The following GABRG2 variants were observed in gnomAD, a reference collection of about 807,000 sequenced individuals.
The protein encoded by GABRG2 is gamma-aminobutyric acid receptor subunit gamma-2.
Under a neutral mutation model 56.4 loss-of-function variants are expected in GABRG2, and 16 were observed. The observed-to-expected ratio is 0.28, with a 90% CI of 0.19 to 0.43. GABRG2 has a LOEUF of 0.43. Among genes scored for constraint, GABRG2 ranks in the 20% least tolerant of loss-of-function variants. The pLI is 1.00. For missense variants in GABRG2, 327 were observed against 582.7 expected, an observed-to-expected ratio of 0.56 and a Z score of 4.52; for synonymous variants, 208 against 205.5, an observed-to-expected ratio of 1.01 and a Z score of -0.10.
intron 8 of GABRG2, chr5:162,150,603 C>G (rs1308566479): frequency 1.3e-5 from 2 of 152,158 alleles, no homozygotes; most frequent in Non-Finnish European, 2.9e-5. Context: ...CCTGACAATC[C>G]TGGATCATGG....
At chr5:162,098,001 A>C (rs1400880186) in intron 4 of GABRG2, 143 bp downstream of exon 4, 2 of 688,006 alleles carry the variant, frequency 2.9e-6, no homozygotes, top group Non-Finnish European at 5.0e-6. Context: ...CAATTAGTAT[A>C]TGACATCAAA....
chr5:162,130,381 A>AT (rs1321115910), intron 6 of GABRG2, among the ~76,000 whole-genome samples: 1 of 151,596 alleles, frequency 6.6e-6, no homozygotes, highest in South Asian at 2.1e-4. Context: ...TTGAACAATT[A>AT]TTTTTTTTCT....
chr5:162,084,755 T>C (rs939237817), intron 1 of GABRG2, among the ~76,000 whole-genome samples: 3 of 151,938 alleles, frequency 2.0e-5, no homozygotes, highest in Admixed American at 6.6e-5. Context: ...TTCTTGATGG[T>C]AAATAATTAC....
At chr5:162,132,891 T>C (rs1763856990) in intron 6 of GABRG2, among the ~76,000 whole-genome samples, 1 of 152,048 alleles carries the variant, frequency 6.6e-6, no homozygotes, top group Non-Finnish European at 1.5e-5. Flanking sequence ...TAAGTACATA[T>C]AAAAGAATAT....
In GABRG2 at chr5:162,155,307, G is replaced by A. The variant is rs1753789349; in HGVS notation, c.*1939G>A. ...GGAGAGTTGTTGGCAAGTTTCAATG[G>A]TGAGAAACATTATTGTCAACTTGAA... is the stretch of plus-strand genomic sequence containing the variant. On this transcript the variant is annotated 3_prime_UTR_variant, in exon 10 of 10. Transcript: ENST00000639213. The A allele has an allele frequency of 6.6e-6, 1 of 152,470 alleles. No individual in the cohort carries two copies. The highest frequency in any genetic ancestry group is 1.5e-5 in the Non-Finnish European group (1 of 68,000). The allele number at this position is 152,470 out of a possible 1,614,324, so 9.4% of individuals were successfully genotyped here.
chr5:162,073,703 C>T (rs1028478248), intron 1 of GABRG2, among the ~76,000 whole-genome samples: 1 of 151,806 alleles, frequency 6.6e-6, no homozygotes, highest in Non-Finnish European at 1.5e-5. Flanking sequence ...AACAGAAAAG[C>T]TCTTATGTTT....
intron 1 of GABRG2, among the ~76,000 whole-genome samples, chr5:162,083,237 A>C (rs1759801153): frequency 6.6e-6 from 1 of 151,732 alleles, no homozygotes; most frequent in Non-Finnish European, 1.5e-5. Flanking sequence ...TTTCAAATAC[A>C]TTCGATACAT....
At chr5:162,112,951 T>TTTA (rs1273792364) in intron 6 of GABRG2, among the ~76,000 whole-genome samples, 1 of 151,936 alleles carries the variant, frequency 6.6e-6, no homozygotes, top group East Asian at 1.9e-4. Flanking sequence ...TTTATTTTAT[T>TTTA]TTATTATTAT....
intron 1 of GABRG2, among the ~76,000 whole-genome samples, chr5:162,082,864 G>A (rs536878197): frequency 6.6e-6 from 1 of 151,572 alleles, no homozygotes; most frequent in Non-Finnish European, 1.5e-5. Flanking sequence ...ATAAAACCTT[G>A]ATTTTGAGAA....
At chr5:162,111,140 T>C (rs775189781) in intron 6 of GABRG2, among the ~76,000 whole-genome samples, 3 of 152,172 alleles carry the variant, frequency 2.0e-5, no homozygotes, top group Non-Finnish European at 2.9e-5. Context: ...TAGAATGTTT[T>C]TCCTTGATCA....
At chr5:162,151,113 G>C (rs969911162) in intron 8 of GABRG2, 2 of 152,696 alleles carry the variant, frequency 1.3e-5, no homozygotes, top group African/African-American at 2.4e-5. Context: ...CTCTCTGTCA[G>C]CTACGCCATT....
rs1246295668 is a variant in GABRG2, at chr5:162,109,412, A to ATTTATT, written c.769+5387_769+5388insTTATTT. The stretch of plus-strand genomic sequence containing the variant: ...ATAATATATATATATATATATATAT[A>ATTTATT]TATATATATATTTATTTATATAAAA... On this transcript the variant is annotated intron_variant, in intron 6 of 9. Transcript: ENST00000639213. Among the ~76,000 whole-genome samples the ATTTATT allele has an allele frequency of 3.7e-3, 451 of 120,326 alleles. 6 individuals carry two copies. The highest frequency in any genetic ancestry group is 0.013 in the African/African-American group (430 of 32,168). 78.9% of individuals were successfully genotyped at this position (120,326 alleles called of 152,430 possible). A position where few individuals can be genotyped will look rare whatever the true frequency, so the allele number is the denominator to read the frequency against.
rs201894153 is a variant in GABRG2, at chr5:162,124,327, CT to C, written c.770-17831del. Among the ~76,000 whole-genome samples the C allele has an allele frequency of 5.5e-3, 829 of 151,790 alleles. 4 individuals carry two copies. The highest frequency in any genetic ancestry group is 0.018 in the African/African-American group (753 of 41,446). On this transcript the variant is annotated intron_variant, in intron 6 of 9. Transcript: ENST00000639213. The stretch of plus-strand genomic sequence containing the variant: ...GAGTAGAAAGTGACCAAAGCATCAT[CT>C]TTTTTACTGATATTCCTGATATTGA...
chr5:162,125,635 G>A (rs2113508684), intron 6 of GABRG2, among the ~76,000 whole-genome samples: 1 of 151,826 alleles, frequency 6.6e-6, no homozygotes, highest in Middle Eastern at 3.4e-3. Flanking sequence ...AGAAGTTCAG[G>A]TTGGTTGAGA....
chr5:162,074,099 A>G (rs1212797337), intron 1 of GABRG2, among the ~76,000 whole-genome samples: 1 of 151,946 alleles, frequency 6.6e-6, no homozygotes, highest in African/African-American at 2.4e-5. Context: ...TGTCCCCCAT[A>G]CTAGAGAATA....
At chr5:162,120,597 C>G (rs903706449) in intron 6 of GABRG2, among the ~76,000 whole-genome samples, 1 of 152,094 alleles carries the variant, frequency 6.6e-6, no homozygotes, top group Non-Finnish European at 1.5e-5. Flanking sequence ...ATAGAGACGG[C>G]ATGTGAGCTC....
At chr5:162,091,360 A>G (rs184227133) in intron 1 of GABRG2, among the ~76,000 whole-genome samples, 175 of 152,170 alleles carry the variant, frequency 1.2e-3, no homozygotes, top group Middle Eastern at 6.8e-3. Context: ...AATAATTGTC[A>G]TGGACTTATT....
chr5:162,127,756 T>C (rs1259638233), intron 6 of GABRG2, among the ~76,000 whole-genome samples: 3 of 152,052 alleles, frequency 2.0e-5, no homozygotes, highest in Admixed American at 6.6e-5. Context: ...TTATGCTTTC[T>C]ATCAGATCAA....
intron 7 of GABRG2, among the ~76,000 whole-genome samples, chr5:162,143,342 T>C (rs1008604134): frequency 6.6e-6 from 1 of 152,172 alleles, no homozygotes. Context: ...AGAAAACATA[T>C]TTACCTGTGA....
Sources: allele counts gnomAD v4.1 joint callset (sites outside exome capture counted in the v4.1 genomes callset), GRCh38; gene constraint gnomAD v4.1.1; transcripts MANE v1.5; gene names NCBI Gene and HGNC (gene_info 2026-07-23, HGNC 2026-07-21).